Variants in OSTM1 observed in about 807,000 individuals in gnomAD.
OSTM1 encodes the protein osteopetrosis-associated transmembrane protein 1.
In OSTM1, 26 loss-of-function variants were observed where a neutral mutation model predicts 35.4. That is an observed-to-expected ratio of 0.73 (90% CI 0.54 to 1.02). The LOEUF is 1.02. Among genes scored for constraint, OSTM1 ranks in the 50% least tolerant of loss-of-function variants. The probability of loss-of-function intolerance (pLI) is 0.00; values close to 1 mark genes in which losing one functional copy is unlikely to be tolerated. For missense variants in OSTM1, 366 were observed against 409.6 expected, an observed-to-expected ratio of 0.89 and a Z score of 0.92; for synonymous variants, 181 against 165.0, an observed-to-expected ratio of 1.10 and a Z score of -0.75.
At chr6:108,049,488 G>T (rs1188160007) in intron 4 of OSTM1, 70 bp from the exon 5 acceptor site, 1 of 1,585,474 alleles carries the variant, frequency 6.3e-7, no homozygotes, top group Non-Finnish European at 8.6e-7. Context: ...TAATTATTTT[G>T]CTAATAACTA....
At position 108,044,779 on chromosome 6, in the gene OSTM1, T is replaced by C. The variant is rs912682897; in HGVS notation, c.*6A>G. 8 of 1,531,412 alleles carry C rather than the reference T, an allele frequency of 5.2e-6. No individual in the cohort carries two copies. The African/African-American group carries it at 9.5e-5, about 18-fold the overall frequency. The allele number at this position is 1,531,412 out of a possible 1,614,324, so 94.9% of individuals were successfully genotyped here. A position where few individuals can be genotyped will look rare whatever the true frequency, so the allele number is the denominator to read the frequency against. On this transcript the variant is annotated 3_prime_UTR_variant, in exon 6 of 6. Transcript: ENST00000193322. Reference sequence around the variant, plus strand: ...CGTGATATGTCAATTCTCCATTTTGTAGGTCTCAGTTTGAATTTTCCTGAA... The same window carrying C: ...CGTGATATGTCAATTCTCCATTTTGCAGGTCTCAGTTTGAATTTTCCTGAA...
At chr6:108,071,315 T>G (rs1772478345) in intron 1 of OSTM1, among the ~76,000 whole-genome samples, 1 of 150,478 alleles carries the variant, frequency 6.6e-6, no homozygotes, top group Admixed American at 6.6e-5. Flanking sequence ...TTTGTTTTGG[T>G]TTTTTTTTGC....
rs930015780 is a variant in OSTM1, at chr6:108,044,635, A to C, written c.*150T>G. On this transcript the variant is annotated 3_prime_UTR_variant, in exon 6 of 6. Coordinates refer to ENST00000193322, the MANE Select transcript of OSTM1 (RefSeq NM_014028.4). ...AGAAAGAAGTGGAAAAGGAAAGAAA[A>C]ATCGAAAATTCTTATTTAAAAATGG... The C allele has an allele frequency of 1.9e-6, 1 of 516,576 alleles. No homozygotes were observed. The highest frequency in any genetic ancestry group is 1.9e-5 in the African/African-American group (1 of 51,656). 32.0% of individuals were successfully genotyped at this position (516,576 alleles called of 1,614,324 possible). A position where few individuals can be genotyped will look rare whatever the true frequency, so the allele number is the denominator to read the frequency against.
chr6:108,051,948 A>G (rs1368369408), intron 3 of OSTM1, among the ~76,000 whole-genome samples: 3 of 152,200 alleles, frequency 2.0e-5, no homozygotes, highest in Non-Finnish European at 4.4e-5. Context: ...TTTACTTTGT[A>G]GTATGAAGAA....
At chr6:108,056,536 A>G (rs1481020673) in intron 2 of OSTM1, among the ~76,000 whole-genome samples, 2 of 152,242 alleles carry the variant, frequency 1.3e-5, no homozygotes, top group Non-Finnish European at 2.9e-5. Context: ...AGCAACTGAG[A>G]TGAAACCTAA....
At chr6:108,065,957 G>T (rs1251077363) in intron 1 of OSTM1, among the ~76,000 whole-genome samples, 1 of 145,258 alleles carries the variant, frequency 6.9e-6, no homozygotes, top group Non-Finnish European at 1.5e-5. Flanking sequence ...AAGGAAGCAG[G>T]ATATGAACTA....
chr6:108,050,904 T>C, intron 4 of OSTM1, 127 bp downstream of exon 4: 2 of 807,058 alleles, frequency 2.5e-6, no homozygotes, highest in South Asian at 2.9e-5. Context: ...TACTACTTTA[T>C]AACTAGTTAT....
Position 108,043,162 on chromosome 6 carries a change from A to G in OSTM1, c.*1623T>C, listed in dbSNP as rs1488755690. 2 of 152,216 alleles carry G rather than the reference A, an allele frequency of 1.3e-5. No homozygotes were observed. The highest frequency in any genetic ancestry group is 4.8e-5 in the African/African-American group (2 of 41,472). The allele number at this position is 152,216 out of a possible 1,614,324, so 9.4% of individuals were successfully genotyped here. On this transcript the variant is annotated 3_prime_UTR_variant, in exon 6 of 6. Coordinates refer to ENST00000193322, the MANE Select transcript of OSTM1 (RefSeq NM_014028.4). Reference sequence around the variant, plus strand: ...CACCACTTACAGAATTGAACATGTCATTTTCTAACTCTGCACATGTAAACT... The same window carrying G: ...CACCACTTACAGAATTGAACATGTCGTTTTCTAACTCTGCACATGTAAACT...
chr6:108,074,341 C>A lies in OSTM1; in HGVS notation c.311G>T (p.Arg104Leu). 2 of 1,609,100 alleles carry A rather than the reference C, an allele frequency of 1.2e-6. No homozygotes were observed. Among genetic ancestry groups the A allele is most frequent in the Non-Finnish European group, 1.7e-6 (2 of 1,178,546 alleles). Residue 104 changes from arginine to leucine, a missense_variant, in exon 1 of 6, where the codon CGC (arginine) becomes CTC (leucine). Coordinates refer to ENST00000193322, the MANE Select transcript of OSTM1 (RefSeq NM_014028.4). ...ACAGAGGCGCACGGGCCGGGCGCTG[C>A]GCACCAGACACCCTGTCAGCTCTGC... Reference protein sequence around the residue: ...SSAELTGCLVRSARPVRLCQT... With the variant: ...SSAELTGCLVLSARPVRLCQT...
At chr6:108,065,907 G>T (rs1252098846) in intron 1 of OSTM1, among the ~76,000 whole-genome samples, 1 of 152,216 alleles carries the variant, frequency 6.6e-6, no homozygotes, top group African/African-American at 2.4e-5. Context: ...GGTTCAGGAA[G>T]ATATCAATGT....
chr6:108,066,525 G>A (rs1772380012), intron 1 of OSTM1, among the ~76,000 whole-genome samples: 2 of 152,148 alleles, frequency 1.3e-5, no homozygotes, highest in African/African-American at 4.8e-5. Context: ...AAAAGGGAAG[G>A]GGTGGTTATT....
chr6:108,056,366 C>CAA (rs1338078083), intron 2 of OSTM1, among the ~76,000 whole-genome samples: 2 of 152,200 alleles, frequency 1.3e-5, no homozygotes, highest in Non-Finnish European at 2.9e-5. Context: ...CCTGCACTCT[C>CAA]AAACACTGCA....
intron 4 of OSTM1, among the ~76,000 whole-genome samples, chr6:108,050,734 C>T (rs1028047632): frequency 2.6e-5 from 4 of 152,126 alleles, no homozygotes; most frequent in Non-Finnish European, 5.9e-5. Context: ...TACACCTCTG[C>T]AAATGGCACA....
At chr6:108,068,635 T>C (rs1212212958) in intron 1 of OSTM1, among the ~76,000 whole-genome samples, 1 of 152,134 alleles carries the variant, frequency 6.6e-6, no homozygotes, top group Middle Eastern at 3.4e-3. Context: ...GGCCCCCACA[T>C]AGCCTAGACA....
chr6:108,044,536 C>G lies in OSTM1; in HGVS notation c.*249G>C. 1 of 333,762 alleles carries G rather than the reference C, an allele frequency of 3.0e-6. No individual in the cohort carries two copies. The highest frequency in any genetic ancestry group is 5.4e-6 in the Non-Finnish European group (1 of 183,994). The allele number at this position is 333,762 out of a possible 1,614,324, so 20.7% of individuals were successfully genotyped here. On this transcript the variant is annotated 3_prime_UTR_variant, in exon 6 of 6. Transcript: ENST00000193322. ...AAAATAATGATTGTTCTTGCATGTT[C>G]TGTTATTGTGACAAATACACATTAA...
At chr6:108,070,247 T>C (rs956534043) in intron 1 of OSTM1, among the ~76,000 whole-genome samples, 5 of 152,010 alleles carry the variant, frequency 3.3e-5, no homozygotes, top group South Asian at 2.1e-4. Flanking sequence ...CCATGTTGGC[T>C]AGGCTGGTCT....
intron 1 of OSTM1, among the ~76,000 whole-genome samples, chr6:108,072,390 T>C (rs187077285): frequency 6.6e-6 from 1 of 152,018 alleles, no homozygotes. Context: ...TCCCAAATCT[T>C]TGGGAGGCTG....
intron 5 of OSTM1, among the ~76,000 whole-genome samples, chr6:108,046,757 A>C (rs1010797717): frequency 2.6e-5 from 4 of 152,218 alleles, no homozygotes; most frequent in Non-Finnish European, 5.9e-5. Context: ...ATTGGCCTAA[A>C]CTAAAATCTA....
rs114169791 is a variant in OSTM1, at chr6:108,061,521, A to G, written c.517+2664T>C. ...GGCTTAGAAAGTGCTAGGTTAAATG[A>G]TGTTTAAAAAACCTTTTTCTTTAAG... On this transcript the variant is annotated intron_variant, in intron 2 of 5. Transcript: ENST00000193322. Among the ~76,000 whole-genome samples, 832 of 150,086 alleles carry G rather than the reference A, an allele frequency of 5.5e-3. 7 individuals are homozygous for G. Among genetic ancestry groups the G allele is most frequent in the African/African-American group, 0.02 (801 of 40,816 alleles).
Sources: gnomAD v4.1 joint callset for allele counts (sites outside exome capture counted in the v4.1 genomes callset) on GRCh38, gnomAD v4.1.1 for gene constraint, MANE v1.5 for transcripts, NCBI Gene and HGNC (gene_info 2026-07-23, HGNC 2026-07-21) for gene names.